The following ANKIB1 variants were observed in gnomAD, a reference collection of about 807,000 sequenced individuals.
ANKIB1 encodes the protein ankyrin repeat and IBR domain-containing protein 1.
In ANKIB1, 43 loss-of-function variants were observed where a neutral mutation model predicts 122.1. The observed-to-expected ratio is 0.35, with a 90% confidence interval of 0.28 to 0.45. ANKIB1 has a LOEUF of 0.45. Ranked by LOEUF, ANKIB1 falls within the 20% of genes least tolerant of loss-of-function variation. The probability of loss-of-function intolerance (pLI) is 1.00; values close to 1 mark genes in which losing one functional copy is unlikely to be tolerated. For missense variants in ANKIB1, 992 were observed against 1,329.5 expected (o/e 0.75, Z 3.95); for synonymous variants, 390 against 442.0 (o/e 0.88, Z 1.48).
At chr7:92,387,648 AC>A in intron 12 of ANKIB1, 149 bp from the exon 13 acceptor site, 16 of 624,404 alleles carry the variant, frequency 2.6e-5, no homozygotes, top group African/African-American at 2.1e-4. Context: ...AAAAAAAAAA[AC>A]AAGTATTGTT....
chr7:92,363,713 A>G (rs2115609684), intron 10 of ANKIB1, among the ~76,000 whole-genome samples: 2 of 152,342 alleles, frequency 1.3e-5, no homozygotes, highest in East Asian at 1.9e-4. Flanking sequence ...CCTGGCGGCC[A>G]TGATACTTTA....
intron 11 of ANKIB1, among the ~76,000 whole-genome samples, chr7:92,380,270 C>T (rs1213036005): frequency 1.3e-5 from 2 of 152,142 alleles, no homozygotes; most frequent in African/African-American, 4.8e-5. Flanking sequence ...TCAACAAGGC[C>T]CCCCTGCTTC....
In ANKIB1 at chr7:92,246,163, A is replaced by T. The variant is rs577740402; in HGVS notation, c.-447A>T. ...GGCTGCGAGCGCGCAAGGCTGGAAC[A>T]TGAGCCGGGCTTGACCGCGAGGCGG... is the stretch of plus-strand genomic sequence containing the variant. On this transcript the variant is annotated 5_prime_UTR_variant, in exon 1 of 20. It removes an upstream start codon present in the reference 5' UTR. Transcript: ENST00000265742. 162 of 332,226 alleles carry T rather than the reference A, an allele frequency of 4.9e-4. 2 individuals are homozygous for T. The highest frequency in any genetic ancestry group is 3.4e-3 in the South Asian group (158 of 46,846). The allele number at this position is 332,226 out of a possible 1,614,324, so 20.6% of individuals were successfully genotyped here.
chr7:92,367,283 T>C (rs950245605), intron 10 of ANKIB1, among the ~76,000 whole-genome samples: 2 of 152,212 alleles, frequency 1.3e-5, no homozygotes, highest in African/African-American at 4.8e-5. Flanking sequence ...TTTCTCACTC[T>C]ACTGATTTGT....
intron 2 of ANKIB1, among the ~76,000 whole-genome samples, chr7:92,295,406 C>T (rs1802334094): frequency 6.6e-6 from 1 of 151,968 alleles, no homozygotes; most frequent in Non-Finnish European, 1.5e-5. Flanking sequence ...TTTATTATAT[C>T]TGAATTAGTC....
chr7:92,344,339 G>C (rs532935138), intron 6 of ANKIB1, among the ~76,000 whole-genome samples: 4 of 151,446 alleles, frequency 2.6e-5, no homozygotes, highest in East Asian at 2.0e-4. Context: ...TGAGTAGCTG[G>C]GATTACAGAC....
At chr7:92,266,267 C>T (rs561387244) in intron 1 of ANKIB1, among the ~76,000 whole-genome samples, 34 of 152,130 alleles carry the variant, frequency 2.2e-4, no homozygotes, top group Non-Finnish European at 4.4e-4. Context: ...ATATGATCAG[C>T]GTCCAGTTAA....
intron 15 of ANKIB1, 123 bp downstream of exon 15, chr7:92,390,239 T>C (rs1468421404): frequency 1.7e-5 from 13 of 774,518 alleles, no homozygotes; most frequent in Non-Finnish European, 2.4e-5. Context: ...TCTTTTCATT[T>C]TTTAAATGGT....
At chr7:92,247,788 G>A (rs1052204294) in intron 1 of ANKIB1, among the ~76,000 whole-genome samples, 1 of 152,196 alleles carries the variant, frequency 6.6e-6, no homozygotes, top group African/African-American at 2.4e-5. Flanking sequence ...TTGTCATTCT[G>A]CAAACTACTG....
chr7:92,361,495 C>CT (rs768776537), intron 9 of ANKIB1, among the ~76,000 whole-genome samples: 28 of 152,138 alleles, frequency 1.8e-4, no homozygotes, highest in Non-Finnish European at 2.1e-4. Flanking sequence ...TTCTGCATGT[C>CT]TAAAAAGCTG....
intron 11 of ANKIB1, among the ~76,000 whole-genome samples, chr7:92,373,942 CTG>C (rs1804326819): frequency 1.3e-5 from 2 of 152,162 alleles, no homozygotes; most frequent in South Asian, 2.1e-4. Context: ...TTCTGTATAA[CTG>C]TATGCTATAA....
chr7:92,379,797 G>A (rs1804469772), intron 11 of ANKIB1, among the ~76,000 whole-genome samples: 1 of 152,178 alleles, frequency 6.6e-6, no homozygotes, highest in Admixed American at 6.5e-5. Context: ...TGGCCAAATA[G>A]GAACAGCCCC....
At chr7:92,366,992 A>C (rs1804100888) in intron 10 of ANKIB1, among the ~76,000 whole-genome samples, 1 of 152,224 alleles carries the variant, frequency 6.6e-6, no homozygotes. Context: ...GTGAGAACAG[A>C]TTATGGGCGG....
intron 3 of ANKIB1, 93 bp downstream of exon 3, chr7:92,307,749 T>C: frequency 9.6e-7 from 1 of 1,045,172 alleles, no homozygotes; most frequent in African/African-American, 1.7e-5. Flanking sequence ...ATTGTCTTAG[T>C]AATTTGGTCA....
intron 2 of ANKIB1, among the ~76,000 whole-genome samples, chr7:92,300,766 C>T (rs904403148): frequency 5.9e-4 from 89 of 152,084 alleles, no homozygotes; most frequent in African/African-American, 2.1e-3. Flanking sequence ...TAATTATTAA[C>T]TATAGTTACC....
At chr7:92,270,563 T>G (rs193182915) in intron 1 of ANKIB1, among the ~76,000 whole-genome samples, 3 of 152,092 alleles carry the variant, frequency 2.0e-5, no homozygotes, top group Non-Finnish European at 4.4e-5. Context: ...GGATATACAG[T>G]TCTATGAATT....
At chr7:92,345,699 T>C (rs1367600758) in intron 7 of ANKIB1, among the ~76,000 whole-genome samples, 1 of 152,202 alleles carries the variant, frequency 6.6e-6, no homozygotes, top group Non-Finnish European at 1.5e-5. Flanking sequence ...CACTGTAATG[T>C]CATGTTATCT....
intron 2 of ANKIB1, among the ~76,000 whole-genome samples, chr7:92,300,258 T>C (rs1277728453): frequency 6.6e-6 from 1 of 152,218 alleles, no homozygotes; most frequent in Non-Finnish European, 1.5e-5. Flanking sequence ...ACAGGAAATA[T>C]GATTGTATAT....
At position 92,294,924 on chromosome 7, in the gene ANKIB1, G is replaced by T; in HGVS notation, c.-55G>T. The T allele has an allele frequency of 6.5e-6, 9 of 1,386,674 alleles. No homozygotes were observed. Among genetic ancestry groups the T allele is most frequent in the Admixed American group, 2.3e-5 (1 of 43,802 alleles). 85.9% of individuals were successfully genotyped at this position (1,386,674 alleles called of 1,614,324 possible). A position where few individuals can be genotyped will look rare whatever the true frequency, so the allele number is the denominator to read the frequency against. ...ATGTTGCAGAAGTGTTCCAGAAGTG[G>T]CTGAAGATAGAAGGAAAAAAGTGCC... On this transcript the variant is annotated 5_prime_UTR_variant, in exon 2 of 20. Coordinates refer to ENST00000265742, the MANE Select transcript of ANKIB1 (RefSeq NM_019004.2).
Sources: gnomAD v4.1 joint callset for allele counts (sites outside exome capture counted in the v4.1 genomes callset) on GRCh38, gnomAD v4.1.1 for gene constraint, MANE v1.5 for transcripts, NCBI Gene and HGNC (gene_info 2026-07-23, HGNC 2026-07-21) for gene names.